The following EIF3H variants were observed in gnomAD, a reference collection of about 807,000 sequenced individuals.
The protein encoded by EIF3H is eukaryotic translation initiation factor 3 subunit H.
Under a neutral mutation model 44.2 loss-of-function variants are expected in EIF3H, and 26 were observed. The ratio of observed to expected loss-of-function variants is 0.59; its 90% CI spans 0.43 to 0.82. EIF3H has a LOEUF of 0.82. Ranked by LOEUF, EIF3H falls within the 40% of genes least tolerant of loss-of-function variation. The probability of loss-of-function intolerance (pLI) is 0.00; values close to 1 mark genes in which losing one functional copy is unlikely to be tolerated. For synonymous variants in EIF3H, 166 were observed against 151.9 expected, an observed-to-expected ratio of 1.09 and a Z score of -0.68; for missense variants, 359 against 432.8, an observed-to-expected ratio of 0.83 and a Z score of 1.51.
intron 2 of EIF3H, among the ~76,000 whole-genome samples, chr8:116,711,654 C>T (rs1022761758): frequency 5.3e-5 from 8 of 152,160 alleles, no homozygotes; most frequent in Non-Finnish European, 1.2e-4. Context: ...GAAACAAATA[C>T]ATTCAGAATG....
At chr8:116,707,291 G>T (rs1814487617) in intron 2 of EIF3H, among the ~76,000 whole-genome samples, 1 of 152,046 alleles carries the variant, frequency 6.6e-6, no homozygotes, top group Non-Finnish European at 1.5e-5. Flanking sequence ...TTTTTAAATG[G>T]TCCAAAAGGA....
chr8:116,719,594 T>C (rs919476696), intron 2 of EIF3H, among the ~76,000 whole-genome samples: 10 of 151,600 alleles, frequency 6.6e-5, no homozygotes, highest in South Asian at 2.1e-4. Context: ...TTCTAAAGGG[T>C]TGAGGAGTAA....
intron 1 of EIF3H, among the ~76,000 whole-genome samples, chr8:116,730,354 C>A (rs1814930951): frequency 6.6e-6 from 1 of 152,146 alleles, no homozygotes; most frequent in South Asian, 2.1e-4. Context: ...ACTGCACATA[C>A]AAGGGAGCTA....
intron 5 of EIF3H, among the ~76,000 whole-genome samples, chr8:116,652,866 G>C (rs191549108): frequency 1.3e-5 from 2 of 152,232 alleles, no homozygotes; most frequent in Admixed American, 1.3e-4. Flanking sequence ...GAAGACAGGA[G>C]GCACTAGCTT....
intron 2 of EIF3H, among the ~76,000 whole-genome samples, chr8:116,694,516 G>C (rs1007314454): frequency 3.9e-5 from 6 of 151,970 alleles, no homozygotes; most frequent in African/African-American, 1.5e-4. Flanking sequence ...TTAGCCTTTT[G>C]CCAGTGCTAA....
chr8:116,718,126 C>T (rs1814685338), intron 2 of EIF3H, among the ~76,000 whole-genome samples: 1 of 151,930 alleles, frequency 6.6e-6, no homozygotes, highest in South Asian at 2.1e-4. Flanking sequence ...TGAAAAAATG[C>T]TCAACATCAC....
chr8:116,650,291 G>C (rs1438621497), intron 5 of EIF3H, among the ~76,000 whole-genome samples: 2 of 152,162 alleles, frequency 1.3e-5, no homozygotes. Flanking sequence ...GGAAGGTAAA[G>C]TGATACAGCT....
At chr8:116,674,982 C>T (rs1289248733) in intron 2 of EIF3H, among the ~76,000 whole-genome samples, 1 of 152,164 alleles carries the variant, frequency 6.6e-6, no homozygotes, top group Non-Finnish European at 1.5e-5. Flanking sequence ...TTGAACACTG[C>T]TCCTGTAGTT....
At chr8:116,732,990 G>A (rs1173404275) in intron 1 of EIF3H, among the ~76,000 whole-genome samples, 1 of 152,074 alleles carries the variant, frequency 6.6e-6, no homozygotes, top group Non-Finnish European at 1.5e-5. Context: ...AGTCCTACAA[G>A]ACTGCCCTCA....
At chr8:116,648,976 TTGCTAC>T in intron 5 of EIF3H, 50 bp from the exon 6 acceptor site, 1 of 1,544,162 alleles carries the variant, frequency 6.5e-7, no homozygotes, top group South Asian at 1.2e-5. Flanking sequence ...AATTATAGCT[TTGCTAC>T]TGCTCTAAAC....
intron 1 of EIF3H, among the ~76,000 whole-genome samples, chr8:116,735,788 T>C (rs1442459381): frequency 4.6e-5 from 7 of 151,472 alleles, no homozygotes; most frequent in Non-Finnish European, 1.0e-4. Flanking sequence ...CAGGAGGCGA[T>C]TTGGGCATGC....
At chr8:116,681,792 AAAATACTGTT>A (rs1813993800) in intron 2 of EIF3H, among the ~76,000 whole-genome samples, 1 of 152,222 alleles carries the variant, frequency 6.6e-6, no homozygotes, top group Non-Finnish European at 1.5e-5. Flanking sequence ...TAAATTCTGT[AAAATACTGTT>A]CTGATAATTT....
chr8:116,657,400 A>G, intron 3 of EIF3H, 86 bp from the exon 4 acceptor site: 1 of 933,596 alleles, frequency 1.1e-6, no homozygotes, highest in Non-Finnish European at 1.7e-6. Context: ...ATTCTGTTAC[A>G]TATCGCACAA....
intron 2 of EIF3H, chr8:116,697,099 G>C (rs1047572094): frequency 6.6e-6 from 3 of 456,082 alleles, no homozygotes; most frequent in Non-Finnish European, 1.3e-5. Context: ...TCACCACCCA[G>C]CTGTCCCTGG....
chr8:116,753,852 T>G (rs1351389169), intron 1 of EIF3H, among the ~76,000 whole-genome samples: 2 of 152,338 alleles, frequency 1.3e-5, no homozygotes, highest in Non-Finnish European at 2.9e-5. Flanking sequence ...GCCACCGACC[T>G]GTTGCCTTTT....
chr8:116,646,444 G>T, intron 7 of EIF3H, 27 bp downstream of exon 7: 1 of 1,613,870 alleles, frequency 6.2e-7, no homozygotes, highest in African/African-American at 1.3e-5. Context: ...AACAAAACCA[G>T]CCAGGTTTTG....
At chr8:116,743,666 G>A (rs1815167775) in intron 1 of EIF3H, among the ~76,000 whole-genome samples, 1 of 150,990 alleles carries the variant, frequency 6.6e-6, no homozygotes, top group South Asian at 2.1e-4. Flanking sequence ...GCTAAGGTGG[G>A]AGGATCACTT....
chr8:116,669,932 C>T (rs1813726579), intron 2 of EIF3H, among the ~76,000 whole-genome samples: 1 of 152,116 alleles, frequency 6.6e-6, no homozygotes, highest in African/African-American at 2.4e-5. Context: ...AAACACTTTT[C>T]GTAGGATAGG....
At chr8:116,647,258 C>T (rs1354953751) in intron 6 of EIF3H, among the ~76,000 whole-genome samples, 1 of 152,038 alleles carries the variant, frequency 6.6e-6, no homozygotes, top group Non-Finnish European at 1.5e-5. Context: ...CCCACCACCA[C>T]ACCCGGCTAA....
Sources: allele counts gnomAD v4.1 joint callset (sites outside exome capture counted in the v4.1 genomes callset), GRCh38; gene constraint gnomAD v4.1.1; transcripts MANE v1.5; gene names NCBI Gene and HGNC (gene_info 2026-07-23, HGNC 2026-07-21).